BMPR1B: variants seen among roughly 807,000 people sequenced by gnomAD.
The protein encoded by BMPR1B is bone morphogenetic protein receptor type-1B.
BMPR1B carries 12 observed loss-of-function variants against 59.1 expected under a neutral mutation model. That is an observed-to-expected ratio of 0.20 (90% CI 0.13 to 0.33). The LOEUF (loss-of-function observed/expected upper bound fraction) is 0.33. Among genes scored for constraint, BMPR1B ranks in the 10% least tolerant of loss-of-function variants. BMPR1B has a pLI of 1.00. For synonymous variants in BMPR1B, 237 were observed against 207.3 expected (o/e 1.14, Z -1.23); for missense variants, 550 against 610.9 (o/e 0.90, Z 1.05).
intron 1 of BMPR1B, among the ~76,000 whole-genome samples, chr4:94,786,601 C>T (rs190544124): frequency 8.5e-5 from 13 of 152,132 alleles, no homozygotes; most frequent in Non-Finnish European, 1.5e-4. Context: ...TGCAGTGGTG[C>T]GATCTCAGCT....
intron 2 of BMPR1B, among the ~76,000 whole-genome samples, chr4:94,919,129 A>G (rs1479015011): frequency 6.6e-6 from 1 of 152,056 alleles, no homozygotes; most frequent in East Asian, 1.9e-4. Context: ...CTACCCCACC[A>G]ACTCTTTCAA....
At chr4:95,068,385 G>A (rs898781297) in intron 3 of BMPR1B, among the ~76,000 whole-genome samples, 1 of 152,090 alleles carries the variant, frequency 6.6e-6, no homozygotes, top group African/African-American at 2.4e-5. Flanking sequence ...TGTGTACCAC[G>A]TCCAAATCCT....
chr4:94,902,596 A>G (rs939457226), intron 2 of BMPR1B, among the ~76,000 whole-genome samples: 18 of 146,036 alleles, frequency 1.2e-4, no homozygotes, highest in Admixed American at 1.1e-3. Context: ...ATATTTCTGA[A>G]TTTTTCTGTT....
At chr4:95,004,029 A>AACT (rs1326167989) in intron 3 of BMPR1B, among the ~76,000 whole-genome samples, 1 of 151,996 alleles carries the variant, frequency 6.6e-6, no homozygotes, top group African/African-American at 2.4e-5. Flanking sequence ...GCTGATCTCA[A>AACT]ACTCAATATT....
chr4:94,914,272 C>T (rs1178619484), intron 2 of BMPR1B, among the ~76,000 whole-genome samples: 10 of 152,126 alleles, frequency 6.6e-5, no homozygotes, highest in African/African-American at 1.2e-4. Flanking sequence ...ATGAGGCCTA[C>T]CCACTAAGAG....
At chr4:94,857,830 A>G (rs184723750) in intron 1 of BMPR1B, among the ~76,000 whole-genome samples, 1 of 152,388 alleles carries the variant, frequency 6.6e-6, no homozygotes, top group East Asian at 1.9e-4. Context: ...TATCTCCCAG[A>G]ATGTTCTTTA....
intron 3 of BMPR1B, among the ~76,000 whole-genome samples, chr4:95,071,652 GTATATATA>G (rs58148216): frequency 1.8e-4 from 15 of 84,330 alleles, no homozygotes; most frequent in East Asian, 6.8e-4. Flanking sequence ...GTGTGTGTGT[GTATATATA>G]TATATATATA....
At chr4:94,819,198 A>G (rs1724117176) in intron 1 of BMPR1B, among the ~76,000 whole-genome samples, 1 of 151,902 alleles carries the variant, frequency 6.6e-6, no homozygotes, top group African/African-American at 2.4e-5. Context: ...ACAGATTTAT[A>G]GTTAGAACTT....
chr4:94,930,958 A>AG (rs1297373837), intron 2 of BMPR1B, among the ~76,000 whole-genome samples: 1 of 152,114 alleles, frequency 6.6e-6, no homozygotes, highest in Non-Finnish European at 1.5e-5. Context: ...ATGAGGACTA[A>AG]GAAAAAAAAA....
At chr4:94,775,400 G>A (rs544371709) in intron 1 of BMPR1B, among the ~76,000 whole-genome samples, 1 of 152,220 alleles carries the variant, frequency 6.6e-6, no homozygotes, top group East Asian at 1.9e-4. Context: ...TTATTTGATC[G>A]CAAAATGTTC....
chr4:94,775,711 G>T (rs1181458838), intron 1 of BMPR1B, among the ~76,000 whole-genome samples: 1 of 152,214 alleles, frequency 6.6e-6, no homozygotes, highest in East Asian at 1.9e-4. Flanking sequence ...CTTAATTAAA[G>T]TTTTATTAAA....
At chr4:94,822,056 T>C (rs1017613591) in intron 1 of BMPR1B, among the ~76,000 whole-genome samples, 3 of 152,236 alleles carry the variant, frequency 2.0e-5, no homozygotes, top group Non-Finnish European at 4.4e-5. Context: ...GATACTTATT[T>C]CTCACAGTTC....
In BMPR1B at chr4:95,125,268, T is replaced by C. The variant is rs534671588; in HGVS notation, c.585+147T>C. 7 of 1,037,978 alleles carry C rather than the reference T, an allele frequency of 6.7e-6. No individual in the cohort carries two copies. In the East Asian group the frequency reaches 1.8e-4, roughly 27 times the overall value. 64.3% of individuals were successfully genotyped at this position (1,037,978 alleles called of 1,614,324 possible). A position where few individuals can be genotyped will look rare whatever the true frequency, so the allele number is the denominator to read the frequency against. Reference sequence around the variant, plus strand: ...GGACATCCGATCTCAGCTGCAGGGCTTCCTGATAACATTTTGACATATTGA... The same window carrying C: ...GGACATCCGATCTCAGCTGCAGGGCCTCCTGATAACATTTTGACATATTGA... On this transcript the variant is annotated intron_variant, in intron 8 of 12. Coordinates refer to ENST00000515059, the MANE Select transcript of BMPR1B (RefSeq NM_001203.3).
At chr4:94,968,060 A>G (rs1053449897) in intron 2 of BMPR1B, among the ~76,000 whole-genome samples, 8 of 152,194 alleles carry the variant, frequency 5.3e-5, no homozygotes, top group African/African-American at 1.9e-4. Flanking sequence ...AATATAAACT[A>G]TGCTTGTAAC....
At chr4:95,004,577 A>G (rs1287090307) in intron 3 of BMPR1B, among the ~76,000 whole-genome samples, 2 of 152,172 alleles carry the variant, frequency 1.3e-5, no homozygotes, top group Non-Finnish European at 2.9e-5. Context: ...AACATAATTC[A>G]GTTATGGTTT....
intron 2 of BMPR1B, among the ~76,000 whole-genome samples, chr4:94,917,918 TC>T (rs772844752): frequency 1.3e-5 from 2 of 152,116 alleles, no homozygotes; most frequent in Non-Finnish European, 2.9e-5. Context: ...GATGCTGTCT[TC>T]CTGATAGTGA....
At position 95,103,618 on chromosome 4, in the gene BMPR1B, A is replaced by G. The variant is rs1182182939; in HGVS notation, c.-17-790A>G. ...TTATCTCCATTTTAAGGATAAGAAC[A>G]TGAGTCACAAGATTATTTATAAAGT... On this transcript the variant is annotated intron_variant, in intron 3 of 12. Transcript: ENST00000515059. 4 of 424,706 alleles carry G rather than the reference A, an allele frequency of 9.4e-6. No homozygotes were observed. In the East Asian group the frequency reaches 4.8e-4, roughly 50 times the overall value. The allele number at this position is 424,706 out of a possible 1,614,324, so 26.3% of individuals were successfully genotyped here.
rs1327146103 is a variant in BMPR1B, at chr4:94,808,976, A to C, written c.-183+50908A>C. ...AGGCTGAGGCAGGAGAATTGCTTGT[A>C]CCTGGGAGCTGGAGGTTGCAATGAG... On this transcript the variant is annotated intron_variant, in intron 1 of 12. Coordinates refer to ENST00000515059, the MANE Select transcript of BMPR1B (RefSeq NM_001203.3). Among the ~76,000 whole-genome samples, 3 of 152,224 alleles carry C rather than the reference A, an allele frequency of 2.0e-5. No individual in the cohort carries two copies. The East Asian group carries it at 5.8e-4, about 29-fold the overall frequency.
chr4:95,114,645 G>GACACACACACAC (rs10622489), intron 4 of BMPR1B, 75 bp from the exon 5 acceptor site: 13 of 990,354 alleles, frequency 1.3e-5, no homozygotes, highest in Non-Finnish European at 1.6e-5. Flanking sequence ...TTTTCCCCTA[G>GACACACACACAC]ACACACACAC....
Sources: allele counts gnomAD v4.1 joint callset (sites outside exome capture counted in the v4.1 genomes callset), GRCh38; gene constraint gnomAD v4.1.1; transcripts MANE v1.5; gene names NCBI Gene and HGNC (gene_info 2026-07-23, HGNC 2026-07-21).